The following CNR2 variants were observed in gnomAD, a reference collection of about 807,000 sequenced individuals.
CNR2 encodes the protein cannabinoid receptor 2 (macrophage).
For synonymous variants in CNR2, 172 were observed against 182.2 expected, an observed-to-expected ratio of 0.94 and a Z score of 0.45; for missense variants, 379 against 439.9, an observed-to-expected ratio of 0.86 and a Z score of 1.24.
chr1:23,884,394 C>T (rs1640050898), intron 1 of CNR2, among the ~76,000 whole-genome samples: 1 of 23,166 alleles, frequency 4.3e-5, no homozygotes, highest in South Asian at 1.0e-3. Flanking sequence ...CAGCCTCTGC[C>T]TCCTGGGTTC....
chr1:23,904,309 G>GATT (rs1640452617), intron 1 of CNR2, among the ~76,000 whole-genome samples: 1 of 151,766 alleles, frequency 6.6e-6, no homozygotes, highest in African/African-American at 2.4e-5. Flanking sequence ...AGTAGCTTGG[G>GATT]ATTACAGGCG....
Position 23,871,583 on chromosome 1 carries a change from C to CT in CNR2, c.*2951_*2952insA, listed in dbSNP as rs1367450064. On this transcript the variant is annotated 3_prime_UTR_variant, in exon 2 of 2. Transcript: ENST00000374472. ...GGGTCCTGACTGAGCACTGGGGATG[C>CT]AGAGGTCAACCTGGAGCTCATCTTG... The CT allele has an allele frequency of 1.6e-4, 25 of 152,276 alleles. No individual in the cohort carries two copies. The highest frequency in any genetic ancestry group is 6.0e-4 in the African/African-American group (25 of 41,538). The allele number at this position is 152,276 out of a possible 1,614,324, so 9.4% of individuals were successfully genotyped here.
intron 1 of CNR2, among the ~76,000 whole-genome samples, chr1:23,886,532 G>C (rs1460311796): frequency 6.6e-6 from 1 of 152,204 alleles, no homozygotes; most frequent in Non-Finnish European, 1.5e-5. Flanking sequence ...CCATGCCGGG[G>C]CTAGGTGAGG....
chr1:23,885,172 G>A (rs530405397), intron 1 of CNR2, among the ~76,000 whole-genome samples: 1 of 152,166 alleles, frequency 6.6e-6, no homozygotes, highest in South Asian at 2.1e-4. Flanking sequence ...GGTTGAAATG[G>A]GAGGATCCCT....
At chr1:23,879,720 T>G (rs1481512007) in intron 1 of CNR2, among the ~76,000 whole-genome samples, 1 of 152,126 alleles carries the variant, frequency 6.6e-6, no homozygotes, top group Non-Finnish European at 1.5e-5. Context: ...GTAAAGACAT[T>G]GATTAATTTT....
At chr1:23,884,006 GGAGTTGAAAACCGAGCCTTGCCT>G (rs1327857333) in intron 1 of CNR2, among the ~76,000 whole-genome samples, 3 of 152,132 alleles carry the variant, frequency 2.0e-5, no homozygotes, top group Non-Finnish European at 4.4e-5. Flanking sequence ...TCCCCAGACT[GGAGTTGAAAACCGAGCCTTGCCT>G]GAGGCAAAAG....
chr1:23,906,698 A>C (rs1640491240), intron 1 of CNR2, among the ~76,000 whole-genome samples: 1 of 151,436 alleles, frequency 6.6e-6, no homozygotes, highest in Non-Finnish European at 1.5e-5. Context: ...TACTTCTTAA[A>C]AGTAATTTTA....
intron 1 of CNR2, among the ~76,000 whole-genome samples, chr1:23,892,744 T>A (rs6424127): frequency 6.6e-6 from 1 of 151,896 alleles, no homozygotes; most frequent in African/African-American, 2.4e-5. Context: ...AGGCTGGGGG[T>A]GGTGGCTCAT....
At chr1:23,900,327 A>T (rs1640377033) in intron 1 of CNR2, among the ~76,000 whole-genome samples, 1 of 151,962 alleles carries the variant, frequency 6.6e-6, no homozygotes, top group Non-Finnish European at 1.5e-5. Context: ...GTAATAATAA[A>T]ATTCCGGTCT....
In CNR2 at chr1:23,879,685, A is replaced by C. The variant is rs1210924140; in HGVS notation, c.-45-4023T>G. Among the ~76,000 whole-genome samples, 3 of 152,138 alleles carry C rather than the reference A, an allele frequency of 2.0e-5. No individual in the cohort carries two copies. In the East Asian group the frequency reaches 5.8e-4, roughly 29 times the overall value. On this transcript the variant is annotated intron_variant, in intron 1 of 1. Coordinates refer to ENST00000374472, the MANE Select transcript of CNR2 (RefSeq NM_001841.3). ...TGCAAGACAAGAAAGAGATGAATAG[A>C]GTTAAAGCTTTATCTAGGAAGTGGG...
At chr1:23,902,750 T>A in intron 1 of CNR2, 1 of 1,528,108 alleles carries the variant, frequency 6.5e-7, no homozygotes, top group Non-Finnish European at 8.7e-7. Context: ...ACCGCGCCAT[T>A]TGGGGCTCTC....
chr1:23,908,850 C>T (rs766928950), intron 1 of CNR2, among the ~76,000 whole-genome samples: 23 of 152,096 alleles, frequency 1.5e-4, no homozygotes, highest in East Asian at 3.9e-4. Flanking sequence ...ACACTGTGAA[C>T]GCAGCTGTGG....
At position 23,896,281 on chromosome 1, in the gene CNR2, G is replaced by T. The variant is rs2501404; in HGVS notation, c.-46+16965C>A. Among the ~76,000 whole-genome samples, 6 of 152,276 alleles carry T rather than the reference G, an allele frequency of 3.9e-5. No individual in the cohort carries two copies. The South Asian group carries it at 1.2e-3, about 32-fold the overall frequency. On this transcript the variant is annotated intron_variant, in intron 1 of 1. Transcript: ENST00000374472. ...TTGGAGTCAGATAGCACTGAGTTCCGATCTTGGCTCTGCCAAGTACTATTA... is the reference window on the plus strand; with the variant it reads ...TTGGAGTCAGATAGCACTGAGTTCCTATCTTGGCTCTGCCAAGTACTATTA...
At chr1:23,903,376 A>G (rs546320633) in intron 1 of CNR2, among the ~76,000 whole-genome samples, 10 of 151,682 alleles carry the variant, frequency 6.6e-5, no homozygotes, top group Non-Finnish European at 1.2e-4. Flanking sequence ...GGAGTTCAAG[A>G]CAAGCCTGGG....
Position 23,874,985 on chromosome 1 carries a change from A to T in CNR2, c.633T>A (p.His211Gln), listed in dbSNP as rs777141896. 1.2e-5 allele frequency: 19 copies of T among 1,610,304 alleles called. No homozygotes were observed. The highest frequency in any genetic ancestry group is 1.6e-5 in the Non-Finnish European group (19 of 1,178,052). The change falls in exon 2 of 2, where the codon CAT becomes CAA. Residue 211 changes from histidine (H) to glutamine (Q), a missense_variant. Transcript: ENST00000374472. ...CATGCTGATGGGCCTTCCAGAGAAC[A>T]TGCCCATAGGTGTAGATGATTCCGG... ...LFSGIIYTYG[H>Q]VLWKAHQHVA...
intron 1 of CNR2, among the ~76,000 whole-genome samples, chr1:23,895,782 G>A (rs374633468): frequency 8.5e-5 from 13 of 152,052 alleles, no homozygotes; most frequent in African/African-American, 2.4e-4. Flanking sequence ...GGATTACAGC[G>A]TGAGCCACCG....
chr1:23,905,355 T>A (rs1640471047), intron 1 of CNR2, among the ~76,000 whole-genome samples: 1 of 151,690 alleles, frequency 6.6e-6, no homozygotes, highest in Non-Finnish European at 1.5e-5. Context: ...AGCTTTTGTA[T>A]TTTTAGTAGA....
chr1:23,903,178 G>A (rs1325001388), intron 1 of CNR2, among the ~76,000 whole-genome samples: 7 of 151,936 alleles, frequency 4.6e-5, no homozygotes, highest in Admixed American at 1.3e-4. Flanking sequence ...TAGCGCAGCC[G>A]GGCCAGGCCT....
chr1:23,885,190 G>T (rs3923182), intron 1 of CNR2, among the ~76,000 whole-genome samples: 225 of 152,026 alleles, frequency 1.5e-3, no homozygotes, highest in African/African-American at 5.1e-3. Flanking sequence ...CCTTGAGCCC[G>T]GGAGTTGGAG....
Sources: allele counts gnomAD v4.1 joint callset (sites outside exome capture counted in the v4.1 genomes callset), GRCh38; gene constraint gnomAD v4.1.1; transcripts MANE v1.5; gene names NCBI Gene and HGNC (gene_info 2026-07-23, HGNC 2026-07-21).